Variants in MROH9 observed in about 807,000 individuals in gnomAD.
The protein encoded by MROH9 is maestro heat-like repeat-containing protein family member 9.
MROH9 carries 92 observed loss-of-function variants against 98.2 expected under a neutral mutation model. The ratio of observed to expected loss-of-function variants is 0.94; its 90% CI spans 0.79 to 1.11. MROH9 has a LOEUF of 1.11. MROH9 is among the 50% of genes most tolerant of loss of function. The pLI is 0.00. For missense variants in MROH9, 1,057 were observed against 1,014.8 expected (o/e 1.04, Z -0.57); for synonymous variants, 397 against 368.9 (o/e 1.08, Z -0.87).
intron 15 of MROH9, among the ~76,000 whole-genome samples, chr1:170,999,905 G>A (rs1360970340): frequency 6.6e-6 from 1 of 151,956 alleles, no homozygotes; most frequent in African/African-American, 2.4e-5. Context: ...TTGCATTGTG[G>A]TTTTGATTTG....
intron 3 of MROH9, among the ~76,000 whole-genome samples, chr1:170,952,758 T>A (rs1172099551): frequency 4.0e-5 from 6 of 150,550 alleles, no homozygotes; most frequent in African/African-American, 1.5e-4. Context: ...ATAAAAAATA[T>A]ATATATATAT....
chr1:171,005,662 G>T (rs1205910818), intron 15 of MROH9, among the ~76,000 whole-genome samples: 1 of 152,078 alleles, frequency 6.6e-6, no homozygotes, highest in Non-Finnish European at 1.5e-5. Context: ...CGCCCAACAG[G>T]CATTTTATGG....
At chr1:171,040,802 GGTT>G (rs1336998913) in intron 20 of MROH9, among the ~76,000 whole-genome samples, 1 of 151,950 alleles carries the variant, frequency 6.6e-6, no homozygotes, top group African/African-American at 2.4e-5. Flanking sequence ...TTTTCCATCT[GGTT>G]GTTAAAATCA....
chr1:170,945,562 G>A lies in MROH9; in HGVS notation c.6G>A (p.Leu2=), dbSNP rs1276305300. 2 of 1,612,138 alleles carry A rather than the reference G, an allele frequency of 1.2e-6. No individual in the cohort carries two copies. M[L]TRNPKTKSSL... is the part of the protein sequence containing the mutation. Reference sequence around the variant, plus strand: ...TTTAATACACCTCTGTCAGCATGTTGACAAGGAATCCAAAAACAAGTAAGG... The same window carrying A: ...TTTAATACACCTCTGTCAGCATGTTAACAAGGAATCCAAAAACAAGTAAGG... The change falls in exon 2 of 22, where the codon TTG becomes TTA. Residue 2 remains leucine, a synonymous_variant. Coordinates refer to ENST00000367759, the MANE Select transcript of MROH9 (RefSeq NM_001163629.2).
chr1:171,028,571 A>G (rs1043276185), intron 20 of MROH9, among the ~76,000 whole-genome samples: 2 of 152,152 alleles, frequency 1.3e-5, no homozygotes, highest in Non-Finnish European at 2.9e-5. Context: ...AAGAATGTCA[A>G]TGGTAGTTTG....
rs536138853 is a variant in MROH9 at position 171,052,144 on chromosome 1, A to G, written c.2282-9988A>G. On this transcript the variant is annotated intron_variant, in intron 20 of 21. Transcript: ENST00000367759. ...AGATTGTATGTTTCCAATAATTTACACATTTCTTCTAGATTTCATAGTTTG... is the reference window on the plus strand; with the variant it reads ...AGATTGTATGTTTCCAATAATTTACGCATTTCTTCTAGATTTCATAGTTTG... Among the ~76,000 whole-genome samples, 20 of 152,186 alleles carry G rather than the reference A, an allele frequency of 1.3e-4. No homozygotes were observed. In the South Asian group the frequency reaches 4.2e-3, roughly 32 times the overall value.
intron 1 of MROH9, among the ~76,000 whole-genome samples, chr1:170,942,350 C>T (rs2101865509): frequency 6.8e-6 from 1 of 146,640 alleles, no homozygotes; most frequent in East Asian, 2.0e-4. Flanking sequence ...TTACAGTTTC[C>T]TCCGGCAATG....
chr1:170,938,657 A>G (rs1434681177), intron 1 of MROH9, among the ~76,000 whole-genome samples: 3 of 152,232 alleles, frequency 2.0e-5, no homozygotes, highest in Non-Finnish European at 4.4e-5. Flanking sequence ...ATGATGGTGG[A>G]TAAGGCATTC....
At chr1:170,975,450 G>T (rs1269481002) in intron 8 of MROH9, among the ~76,000 whole-genome samples, 2 of 151,976 alleles carry the variant, frequency 1.3e-5, no homozygotes, top group Non-Finnish European at 2.9e-5. Flanking sequence ...AGATTTAGGG[G>T]GTACAAATGC....
chr1:171,050,631 A>C (rs6423173), intron 20 of MROH9, among the ~76,000 whole-genome samples: 128,381 of 151,724 alleles, frequency 0.85, 54,978 homozygotes, highest in Middle Eastern at 0.98. Context: ...GATTTGACAT[A>C]ATCTTTTCCA....
chr1:170,967,653 C>T (rs1650284093), intron 7 of MROH9, among the ~76,000 whole-genome samples: 1 of 152,130 alleles, frequency 6.6e-6, no homozygotes, highest in African/African-American at 2.4e-5. Context: ...TCCTATTGAA[C>T]AATTCTATCA....
intron 2 of MROH9, among the ~76,000 whole-genome samples, chr1:170,946,717 T>A (rs2101871878): frequency 6.6e-6 from 1 of 152,066 alleles, no homozygotes; most frequent in Admixed American, 6.6e-5. Flanking sequence ...AATATACCGA[T>A]TAAAATAGAA....
chr1:171,032,144 C>A (rs527611859), intron 20 of MROH9, among the ~76,000 whole-genome samples: 2 of 152,254 alleles, frequency 1.3e-5, no homozygotes, highest in South Asian at 2.1e-4. Flanking sequence ...ATTTATGTTT[C>A]TCTCTAAACT....
chr1:171,005,042 T>C (rs1046177202), intron 15 of MROH9, among the ~76,000 whole-genome samples: 1 of 152,110 alleles, frequency 6.6e-6, no homozygotes, highest in Non-Finnish European at 1.5e-5. Flanking sequence ...TTACATTGAA[T>C]GTGTAAATCA....
rs1652328048 is a variant in MROH9, at chr1:171,016,351, T to A, written c.1908+15T>A. ...TGATGGATCATGTGAGTTACACAGT[T>A]AGATATGTGAGATCATTAGGTTTTG... On this transcript the variant is annotated intron_variant, in intron 17 of 21. Transcript: ENST00000367759. The A allele has an allele frequency of 5.5e-6, 8 of 1,446,820 alleles. No individual in the cohort carries two copies. Among genetic ancestry groups the A allele is most frequent in the Non-Finnish European group, 7.3e-6 (8 of 1,094,526 alleles). 89.6% of individuals were successfully genotyped at this position (1,446,820 alleles called of 1,614,324 possible).
intron 10 of MROH9, among the ~76,000 whole-genome samples, chr1:170,989,573 A>G (rs1486586853): frequency 6.6e-6 from 1 of 152,230 alleles, no homozygotes; most frequent in African/African-American, 2.4e-5. Flanking sequence ...TACCGAGCTT[A>G]TATTTCTTAT....
At chr1:170,978,438 G>A (rs1650799171) in intron 8 of MROH9, among the ~76,000 whole-genome samples, 1 of 152,182 alleles carries the variant, frequency 6.6e-6, no homozygotes, top group East Asian at 1.9e-4. Context: ...CATGGTTGTG[G>A]GTGACCATTC....
At chr1:170,997,647 A>G (rs569598135) in intron 14 of MROH9, among the ~76,000 whole-genome samples, 74 of 152,294 alleles carry the variant, frequency 4.9e-4, no homozygotes, top group Middle Eastern at 6.8e-3. Flanking sequence ...CCACCATGTC[A>G]GTACAAGTGT....
rs1003932493 is a variant in MROH9, at chr1:170,983,503, A to C, written c.698A>C (p.Glu233Ala). The change falls in exon 9 of 22, where the codon GAG becomes GCG. Residue 233 changes from glutamate (E) to alanine (A), a missense_variant. Physicochemically the swap from Glu to Ala is moderately radical, Grantham distance 107. Transcript: ENST00000367759. Reference protein sequence around the residue: ...PSSDVEFLPKEFQQDESKIAQ... With the variant: ...PSSDVEFLPKAFQQDESKIAQ... Reference sequence around the variant, plus strand: ...TCTGATGTAGAATTTCTACCCAAGGAGTTTCAACAAGACGAAAGTAAAATA... The same window carrying C: ...TCTGATGTAGAATTTCTACCCAAGGCGTTTCAACAAGACGAAAGTAAAATA... 2.5e-6 allele frequency: 4 copies of C among 1,612,824 alleles called. No homozygotes were observed. Among genetic ancestry groups the C allele is most frequent in the East Asian group, 2.2e-5 (1 of 44,780 alleles).
Sources: gnomAD v4.1 joint callset for allele counts (sites outside exome capture counted in the v4.1 genomes callset) on GRCh38, gnomAD v4.1.1 for gene constraint, MANE v1.5 for transcripts, NCBI Gene and HGNC (gene_info 2026-07-23, HGNC 2026-07-21) for gene names.